Variants in PTPRA observed in about 807,000 individuals in gnomAD.
The protein encoded by PTPRA is receptor-type tyrosine-protein phosphatase alpha.
PTPRA carries 25 observed loss-of-function variants against 104.8 expected under a neutral mutation model. The observed-to-expected ratio is 0.24, with a 90% CI of 0.17 to 0.33. The LOEUF (loss-of-function observed/expected upper bound fraction) is 0.33, where lower values mean the gene tolerates loss of function less well. Ranked by LOEUF, PTPRA falls within the 10% of genes least tolerant of loss-of-function variation. PTPRA has a pLI of 1.00. For synonymous variants in PTPRA, 323 were observed against 368.9 expected, an observed-to-expected ratio of 0.88 and a Z score of 1.43; for missense variants, 765 against 1,015.3, an observed-to-expected ratio of 0.75 and a Z score of 3.35.
intron 1 of PTPRA, among the ~76,000 whole-genome samples, chr20:2,875,866 C>T (rs1027985366): frequency 1.3e-5 from 2 of 152,106 alleles, no homozygotes; most frequent in African/African-American, 2.4e-5. Flanking sequence ...GGAAAGCTTT[C>T]CTGGGACGGG....
At chr20:2,995,054 C>T (rs999202473) in intron 9 of PTPRA, among the ~76,000 whole-genome samples, 1 of 152,094 alleles carries the variant, frequency 6.6e-6, no homozygotes, top group African/African-American at 2.4e-5. Context: ...CGCTTGAACC[C>T]GGGAGGCAGA....
At chr20:2,976,015 A>G (rs1211667580) in intron 6 of PTPRA, among the ~76,000 whole-genome samples, 1 of 152,196 alleles carries the variant, frequency 6.6e-6, no homozygotes, top group African/African-American at 2.4e-5. Flanking sequence ...TAATTAAGTA[A>G]TGGAACACTT....
intron 3 of PTPRA, among the ~76,000 whole-genome samples, chr20:2,949,589 G>A (rs1303252815): frequency 6.6e-6 from 1 of 152,010 alleles, no homozygotes. Flanking sequence ...ACTGTGCCTG[G>A]CCAAATTTCT....
At chr20:2,979,891 G>A (rs1276170204) in intron 6 of PTPRA, among the ~76,000 whole-genome samples, 1 of 150,930 alleles carries the variant, frequency 6.6e-6, no homozygotes, top group East Asian at 2.0e-4. Flanking sequence ...TCATGTTGGT[G>A]TTTTTTTGTT....
chr20:2,946,861 AT>A (rs1568664531), intron 2 of PTPRA, among the ~76,000 whole-genome samples: 3 of 151,096 alleles, frequency 2.0e-5, no homozygotes, highest in Non-Finnish European at 2.9e-5. Context: ...AAAAAAAAAA[AT>A]AATAATAATA....
At chr20:2,868,432 G>A (rs2089387217), upstream of PTPRA, among the ~76,000 whole-genome samples, 1 of 148,620 alleles carries the variant, frequency 6.7e-6, no homozygotes, top group Admixed American at 6.9e-5. Context: ...TCAAAGTGCT[G>A]GGGTTACAGC....
chr20:2,913,486 A>G (rs1409578050), intron 1 of PTPRA, among the ~76,000 whole-genome samples: 3 of 152,218 alleles, frequency 2.0e-5, no homozygotes. Flanking sequence ...TGAAGGATCC[A>G]GTTTAAAATC....
intron 17 of PTPRA, among the ~76,000 whole-genome samples, chr20:3,024,896 C>T (rs72620883): frequency 3.3e-5 from 1 of 29,998 alleles, no homozygotes; most frequent in African/African-American, 2.1e-4. Context: ...GCAGTTTTTT[C>T]TGTAAGAGCC....
At chr20:3,001,133 ACTTCTGCTCTAG>A (rs1391570008) in intron 9 of PTPRA, among the ~76,000 whole-genome samples, 3 of 152,154 alleles carry the variant, frequency 2.0e-5, no homozygotes, top group Non-Finnish European at 4.4e-5. Context: ...CATTTTATAG[ACTTCTGCTCTAG>A]CTGCTCCTTC....
intron 20 of PTPRA, among the ~76,000 whole-genome samples, chr20:3,030,726 A>ACCAGACTG (rs1443586190): frequency 2.7e-5 from 3 of 111,134 alleles, no homozygotes; most frequent in African/African-American, 1.1e-4. Context: ...CACTCTGTCC[A>ACCAGACTG]CCAGACTGGA....
At chr20:2,910,609 A>ATTTTTT (rs2059685799) in intron 1 of PTPRA, among the ~76,000 whole-genome samples, 2 of 27,016 alleles carry the variant, frequency 7.4e-5, no homozygotes, top group African/African-American at 2.0e-4. Flanking sequence ...TGTTTTTTTT[A>ATTTTTT]ATTTTTTTTT....
At chr20:2,870,048 C>T (rs1019530024), upstream of PTPRA, among the ~76,000 whole-genome samples, 37 of 137,096 alleles carry the variant, frequency 2.7e-4, no homozygotes, top group African/African-American at 9.7e-4. Context: ...TATGTCCAGT[C>T]TCTTAGATAC....
intron 1 of PTPRA, among the ~76,000 whole-genome samples, chr20:2,894,544 G>A (rs747370301): frequency 3.9e-5 from 6 of 151,972 alleles, no homozygotes; most frequent in Non-Finnish European, 7.4e-5. Flanking sequence ...CCGGGCTCAA[G>A]TGATCTTCCA....
chr20:3,027,595 T>C (rs2065209403), intron 19 of PTPRA, 112 bp from the exon 20 acceptor site: 1 of 1,410,916 alleles, frequency 7.1e-7, no homozygotes, highest in Non-Finnish European at 9.6e-7. Context: ...GAGCTCTGCA[T>C]GGGCTGAGTT....
At chr20:2,882,467 A>G (rs1427575985) in intron 1 of PTPRA, among the ~76,000 whole-genome samples, 1 of 151,172 alleles carries the variant, frequency 6.6e-6, no homozygotes, top group Non-Finnish European at 1.5e-5. Flanking sequence ...TTTATTTTTT[A>G]TTTTTAGGAG....
At chr20:2,905,286 A>G (rs2059383769) in intron 1 of PTPRA, among the ~76,000 whole-genome samples, 3 of 152,176 alleles carry the variant, frequency 2.0e-5, no homozygotes, top group South Asian at 4.1e-4. Context: ...ACCGCTGATA[A>G]TAGAGTATAT....
intron 11 of PTPRA, among the ~76,000 whole-genome samples, chr20:3,008,724 C>G (rs2063989994): frequency 8.3e-6 from 1 of 120,118 alleles, no homozygotes. Context: ...AACCTCATCT[C>G]TACTAAAAAA....
intron 1 of PTPRA, among the ~76,000 whole-genome samples, chr20:2,885,631 C>T (rs536571170): frequency 1.3e-5 from 2 of 152,272 alleles, no homozygotes; most frequent in African/African-American, 4.8e-5. Flanking sequence ...TCAAACCTTC[C>T]TCTGATTAGT....
chr20:2,865,802 C>A, the PTPRA span: 1 of 482,382 alleles, frequency 2.1e-6, no homozygotes, highest in Non-Finnish European at 3.7e-6. This position sits in a 1 kb window ranked among gnomAD's most constrained non-coding sequence, Gnocchi z 5.2. Context: ...GGAGGGGGCA[C>A]AGGGAGGGTG....
Sources: gnomAD v4.1 joint callset for allele counts (sites outside exome capture counted in the v4.1 genomes callset) on GRCh38, gnomAD v4.1.1 for gene constraint, Gnocchi (gnomAD v3.1) non-coding constraint, MANE v1.5 for transcripts, NCBI Gene and HGNC (gene_info 2026-07-23, HGNC 2026-07-21) for gene names.